The following LCT variants were observed in gnomAD, a reference collection of about 807,000 sequenced individuals.
LCT encodes the protein lactase.
In LCT, 90 loss-of-function variants were observed where a neutral mutation model predicts 173.0. That is an observed-to-expected ratio of 0.52 (90% CI 0.44 to 0.62). LCT has a LOEUF of 0.62. Among genes scored for constraint, LCT ranks in the 20% least tolerant of loss-of-function variants. LCT has a pLI of 0.00. For missense variants in LCT, 1,864 were observed against 2,431.4 expected, an observed-to-expected ratio of 0.77 and a Z score of 4.91; for synonymous variants, 853 against 957.6, an observed-to-expected ratio of 0.89 and a Z score of 2.02.
chr2:135,789,496 G>T, intron 16 of LCT, 75 bp downstream of exon 16: 6 of 1,031,256 alleles, frequency 5.8e-6, no homozygotes, highest in Non-Finnish European at 9.1e-6. Context: ...TAAACTAGAA[G>T]AAAACAGACT....
chr2:135,800,777 T>G lies in LCT; in HGVS notation c.4696A>C (p.Ile1566Leu), dbSNP rs544545973. The G allele has an allele frequency of 1.2e-6, 2 of 1,614,090 alleles. No homozygotes were observed. The highest frequency in any genetic ancestry group is 8.5e-7 in the Non-Finnish European group (1 of 1,179,998). The change falls in exon 12 of 17, where the codon ATT becomes CTT. Residue 1566 changes from isoleucine (I) to leucine (L), a missense_variant. This residue lies in a region of LCT where 514 missense variants were observed against 750.1 expected (regional missense o/e 0.69). Coordinates refer to ENST00000264162, the MANE Select transcript of LCT (RefSeq NM_002299.4). ...VSNRPGTAPY[I>L]VGHNLIKAHA... ...GCCTTTATTAGATTGTGGCCAACAATGTAGGGGGCAGTGCCAGGCCTATTG... is the reference window on the plus strand; with the variant it reads ...GCCTTTATTAGATTGTGGCCAACAAGGTAGGGGGCAGTGCCAGGCCTATTG...
intron 3 of LCT, among the ~76,000 whole-genome samples, chr2:135,824,876 G>A (rs1181150369): frequency 6.6e-6 from 1 of 151,676 alleles, no homozygotes; most frequent in African/African-American, 2.4e-5. Context: ...GGTGGTGCAC[G>A]CCTGTAATAT....
At chr2:135,828,738 T>G (rs1259905548) in intron 3 of LCT, among the ~76,000 whole-genome samples, 2 of 152,126 alleles carry the variant, frequency 1.3e-5, no homozygotes. Flanking sequence ...CTAACACACT[T>G]TCTCTAATGA....
At chr2:135,808,405 T>C in intron 8 of LCT, 38 bp downstream of exon 8, 1 of 1,508,054 alleles carries the variant, frequency 6.6e-7, no homozygotes. Context: ...CAGGGAATGT[T>C]GGAAGATTTC....
intron 2 of LCT, among the ~76,000 whole-genome samples, chr2:135,832,247 A>G (rs986832796): frequency 4.0e-5 from 6 of 151,010 alleles, no homozygotes; most frequent in Non-Finnish European, 8.9e-5. Flanking sequence ...AATATAAATT[A>G]TAGTTAAAAA....
In LCT at chr2:135,800,605, A is replaced by G; in HGVS notation, c.4866+2T>C. On this transcript the variant is annotated splice_donor_variant, in intron 12 of 16. Coordinates refer to ENST00000264162, the MANE Select transcript of LCT (RefSeq NM_002299.4). LOFTEE classifies it high-confidence loss of function. ...GAACAAGCGCCCAGAGGAAAAACAG[A>G]CCTGAACATATCTCCTGGCTGCCTC... 6.2e-7 allele frequency: 1 copy of G among 1,610,840 alleles called. No individual in the cohort carries two copies. The highest frequency in any genetic ancestry group is 8.5e-7 in the Non-Finnish European group (1 of 1,178,692).
At chr2:135,794,817 C>G (rs1476029380) in intron 13 of LCT, 42 bp from the exon 14 acceptor site, 1 of 1,613,094 alleles carries the variant, frequency 6.2e-7, no homozygotes, top group Non-Finnish European at 8.5e-7. Flanking sequence ...TCAGGGAGAG[C>G]CATGCTTTGA....
At position 135,800,757 on chromosome 2, in the gene LCT, T is replaced by G. The variant is rs1239113721; in HGVS notation, c.4716A>C (p.Ile1572=). The G allele has an allele frequency of 6.2e-7, 1 of 1,614,172 alleles. No individual in the cohort carries two copies. The highest frequency in any genetic ancestry group is 1.6e-4 in the Middle Eastern group (1 of 6,062). Residue 1572 remains isoleucine (I), a synonymous_variant, in exon 12 of 17, where the codon ATA becomes ATC. Transcript: ENST00000264162. ...GATGCCAGGCCTCAGCATGAGCCTT[T>G]ATTAGATTGTGGCCAACAATGTAGG... ...TAPYIVGHNL[I]KAHAEAWHLY...
Position 135,798,130 on chromosome 2 carries a change from T to C in LCT, c.4875A>G (p.Gly1625=), listed in dbSNP as rs936479126. The part of the protein sequence containing the change: ...EAARRYVQFM[G]GWFAHPIFKN... ...TGAAAATAGGATGTGCAAACCAGCC[T>C]CCCATGAACTGCGGGTAGGGTGGGG... Residue 1625 remains glycine, a synonymous_variant, in exon 13 of 17, where the codon GGA becomes GGG. Coordinates refer to ENST00000264162, the MANE Select transcript of LCT (RefSeq NM_002299.4). 3 of 1,580,958 alleles carry C rather than the reference T, an allele frequency of 1.9e-6. No homozygotes were observed. Among genetic ancestry groups the C allele is most frequent in the Non-Finnish European group, 2.6e-6 (3 of 1,148,984 alleles).
chr2:135,830,028 C>G (rs75267261), intron 2 of LCT, among the ~76,000 whole-genome samples: 2,115 of 152,224 alleles, frequency 0.014, 53 homozygotes, highest in African/African-American at 0.048. Context: ...AGTGCTGCCC[C>G]TGGTGCTTCC....
At position 135,809,793 on chromosome 2, in the gene LCT, C is replaced by T; in HGVS notation, c.2554G>A (p.Ala852Thr). 1.9e-6 allele frequency: 3 copies of T among 1,614,116 alleles called. No individual in the cohort carries two copies. The highest frequency in any genetic ancestry group is 1.7e-5 in the Admixed American group (1 of 60,006). ...GTATTAGGTGGTAGCAGTCTTTTTG[C>T]CCCCTTGGTGAGGAAACCGTTCTTT... is the stretch of plus-strand genomic sequence containing the variant. ...IEKNGFLTKG[A>T]KRLLPPNTVN... Residue 852 changes from alanine (A) to threonine (T), a missense_variant, in exon 8 of 17, where the codon GCA becomes ACA. By Grantham distance (58) the Ala-to-Thr change is moderately conservative. Coordinates refer to ENST00000264162, the MANE Select transcript of LCT (RefSeq NM_002299.4). This position sits in a 1 kb window ranked among gnomAD's most constrained non-coding sequence, Gnocchi z 5.5.
intron 5 of LCT, chr2:135,821,784 T>C: frequency 3.8e-6 from 2 of 532,926 alleles, no homozygotes; most frequent in Non-Finnish European, 6.7e-6. Context: ...GCCATCATGC[T>C]AGTTGCGCAC....
At chr2:135,798,180 G>A (rs776507534) in intron 12 of LCT, 42 bp from the exon 13 acceptor site, 2 of 1,034,718 alleles carry the variant, frequency 1.9e-6, no homozygotes, top group Non-Finnish European at 3.1e-6. Flanking sequence ...GTTACAGGTG[G>A]GCACAGCAAG....
chr2:135,794,380 A>T (rs2077560633), intron 14 of LCT: 1 of 455,958 alleles, frequency 2.2e-6, no homozygotes. Flanking sequence ...CAAAATAAAT[A>T]AATTTTAAAA....
rs200510408 is a variant in LCT at position 135,808,638 on chromosome 2, C to G, written c.3709G>C (p.Asp1237His). 3 of 1,614,204 alleles carry G rather than the reference C, an allele frequency of 1.9e-6. No homozygotes were observed. Among genetic ancestry groups the G allele is most frequent in the South Asian group, 2.2e-5 (2 of 91,084 alleles). The part of the protein sequence containing the change: ...EDDQEMAEEE[D>H]PSWPSTAMNR... ...ATTGCCGTGGAAGGCCACGAAGGGT[C>G]CTCCTCCTCAGCCATCTCCTGGTCG... is the stretch of plus-strand genomic sequence containing the variant. Residue 1237 changes from aspartate (D) to histidine (H), a missense_variant, in exon 8 of 17, where the codon GAC (aspartate) becomes CAC (histidine). By Grantham distance (81) the Asp-to-His change is moderately conservative. Around this residue, in one of 4 missense-constraint regions of LCT, gnomAD observed 755 missense variants for 926.3 expected, o/e 0.82. Transcript: ENST00000264162.
intron 14 of LCT, chr2:135,794,199 C>T: frequency 6.3e-6 from 1 of 157,904 alleles, no homozygotes; most frequent in East Asian, 1.9e-4. Flanking sequence ...TTTACTATCT[C>T]TACTTCATAA....
chr2:135,804,908 G>A lies in LCT; in HGVS notation c.4323C>T (p.Asn1441=). Residue 1441 remains asparagine, a synonymous_variant, in exon 10 of 17, where the codon AAC becomes AAT. Coordinates refer to ENST00000264162, the MANE Select transcript of LCT (RefSeq NM_002299.4). ...KIAEDLVTLQ[N]LGVSHYRFSI... The stretch of plus-strand genomic sequence containing the variant: ...AAAAACGGTAGTGGGACACGCCCAG[G>A]TTCTGCAGGGTGACCAGATCCTCAG... 6.2e-7 allele frequency: 1 copy of A among 1,614,168 alleles called. No homozygotes were observed.
At chr2:135,794,854 G>A (rs1392180994) in intron 13 of LCT, 79 bp from the exon 14 acceptor site, 26 of 1,561,406 alleles carry the variant, frequency 1.7e-5, no homozygotes, top group Non-Finnish European at 2.1e-5. Context: ...GGCTGGGGCG[G>A]GGGAGCTCTC....
Position 135,809,362 on chromosome 2 carries a change from A to G in LCT, c.2985T>C (p.His995=), listed in dbSNP as rs746332155. The G allele has an allele frequency of 2.5e-6, 4 of 1,614,080 alleles. No individual in the cohort carries two copies. Among genetic ancestry groups the G allele is most frequent in the Non-Finnish European group, 3.4e-6 (4 of 1,180,024 alleles). ...PTGRNSSINS[H]GVDYYNRLIN... ...TCAGCCTGTTGTAATAATCAACCCC[A>G]TGACTGTTGATAGAGCTGTTTCTCC... The change falls in exon 8 of 17, where the codon CAT becomes CAC. Residue 995 remains histidine, a synonymous_variant. Transcript: ENST00000264162. This position sits in a 1 kb window ranked among gnomAD's most constrained non-coding sequence, Gnocchi z 5.5.
Sources: allele counts gnomAD v4.1 joint callset (sites outside exome capture counted in the v4.1 genomes callset), GRCh38; gene constraint gnomAD v4.1.1; regional missense constraint gnomAD v4.1.1; non-coding constraint Gnocchi (gnomAD v3.1); transcripts MANE v1.5; gene names NCBI Gene and HGNC (gene_info 2026-07-23, HGNC 2026-07-21).